CCSER1: variants seen among roughly 807,000 people sequenced by gnomAD.
CCSER1 encodes the protein serine-rich coiled-coil domain-containing protein 1.
A neutral mutation model predicts 82.0 loss-of-function variants in CCSER1; 41 were observed. The observed-to-expected ratio is 0.50, with a 90% CI of 0.39 to 0.65. The LOEUF (loss-of-function observed/expected upper bound fraction) is 0.65, where lower values mean the gene tolerates loss of function less well. Ranked by LOEUF, CCSER1 falls within the 30% of genes least tolerant of loss-of-function variation. The pLI is 0.00. For synonymous variants in CCSER1, 414 were observed against 383.9 expected (o/e 1.08, Z -0.92); for missense variants, 1,119 against 1,064.2 (o/e 1.05, Z -0.72).
intron 8 of CCSER1, among the ~76,000 whole-genome samples, chr4:90,856,614 AT>A (rs1388642633): frequency 2.0e-5 from 3 of 152,142 alleles, no homozygotes; most frequent in Admixed American, 2.0e-4. Flanking sequence ...GTATGGCATA[AT>A]AACAGAATTC....
At chr4:90,703,345 T>G (rs545474302) in intron 6 of CCSER1, among the ~76,000 whole-genome samples, 1 of 152,352 alleles carries the variant, frequency 6.6e-6, no homozygotes, top group Non-Finnish European at 1.5e-5. Flanking sequence ...AGACAGTTTG[T>G]TATAATTTCT....
intron 7 of CCSER1, among the ~76,000 whole-genome samples, chr4:90,729,709 A>G (rs1744350631): frequency 6.6e-6 from 1 of 152,034 alleles, no homozygotes; most frequent in African/African-American, 2.4e-5. Context: ...TCCCGTCTCT[A>G]CTAAAAATAC....
chr4:91,406,537 A>G (rs549876239), intron 10 of CCSER1, among the ~76,000 whole-genome samples: 1 of 152,328 alleles, frequency 6.6e-6, no homozygotes, highest in South Asian at 2.1e-4. Flanking sequence ...TTTGTAAATA[A>G]GCAGTTCCAC....
chr4:90,322,984 T>G (rs1258157614), intron 3 of CCSER1, among the ~76,000 whole-genome samples: 1 of 152,238 alleles, frequency 6.6e-6, no homozygotes, highest in East Asian at 1.9e-4. Flanking sequence ...TGGTGAATCC[T>G]GCCAGGTCTG....
intron 9 of CCSER1, chr4:90,938,913 G>T: frequency 6.2e-6 from 1 of 161,174 alleles, no homozygotes; most frequent in Non-Finnish European, 1.4e-5. Flanking sequence ...GATGAATTAA[G>T]ATTCAACTAA....
intron 9 of CCSER1, among the ~76,000 whole-genome samples, chr4:90,943,569 A>AAG (rs576982656): frequency 9.8e-4 from 148 of 151,564 alleles, no homozygotes; most frequent in African/African-American, 3.2e-3. Context: ...CGGAGACAGA[A>AAG]AGAGAGAGAG....
chr4:90,464,700 C>T (rs751847355), intron 4 of CCSER1, among the ~76,000 whole-genome samples: 3 of 152,204 alleles, frequency 2.0e-5, no homozygotes, highest in Non-Finnish European at 4.4e-5. Context: ...TGGAAATAAT[C>T]GGGAAAAATG....
chr4:90,688,411 T>G (rs1164197090), intron 6 of CCSER1, among the ~76,000 whole-genome samples: 1 of 152,150 alleles, frequency 6.6e-6, no homozygotes, highest in Admixed American at 6.6e-5. Flanking sequence ...AATTTAATAA[T>G]ATATACCACC....
intron 10 of CCSER1, among the ~76,000 whole-genome samples, chr4:91,312,601 C>T (rs910169454): frequency 5.9e-5 from 9 of 151,846 alleles, no homozygotes; most frequent in Non-Finnish European, 8.8e-5. Context: ...AGGCATAAAG[C>T]ACGCAATACA....
chr4:91,137,318 A>G (rs1442305146), intron 10 of CCSER1, among the ~76,000 whole-genome samples: 5 of 79,732 alleles, frequency 6.3e-5, no homozygotes, highest in African/African-American at 1.5e-4. Flanking sequence ...AATTTCATCC[A>G]TGTCCCTACA....
chr4:90,326,295 C>G (rs537161963), intron 3 of CCSER1, among the ~76,000 whole-genome samples: 4 of 151,976 alleles, frequency 2.6e-5, no homozygotes, highest in Non-Finnish European at 5.9e-5. Context: ...CTCCTGACCT[C>G]GTGATCCTCC....
At chr4:90,410,808 A>T (rs941478858) in intron 4 of CCSER1, among the ~76,000 whole-genome samples, 1 of 152,168 alleles carries the variant, frequency 6.6e-6, no homozygotes, top group African/African-American at 2.4e-5. Context: ...GACACAAAAA[A>T]CCCTTCAAAA....
At chr4:90,431,993 C>T (rs1045101864) in intron 4 of CCSER1, among the ~76,000 whole-genome samples, 2 of 152,054 alleles carry the variant, frequency 1.3e-5, no homozygotes, top group Admixed American at 6.6e-5. Flanking sequence ...CTCTGCTGCA[C>T]GGCAGTCCAC....
chr4:91,182,204 C>A (rs1471484514), intron 10 of CCSER1, among the ~76,000 whole-genome samples: 1 of 152,202 alleles, frequency 6.6e-6, no homozygotes, highest in Non-Finnish European at 1.5e-5. Context: ...TCTGGAATCT[C>A]TTCCTCAGCA....
At position 91,576,119 on chromosome 4, in the gene CCSER1, C is replaced by T. The variant is rs75888790; in HGVS notation, c.2218-22453C>T. Among the ~76,000 whole-genome samples, 20 of 151,950 alleles carry T rather than the reference C, an allele frequency of 1.3e-4. No homozygotes were observed. The East Asian group carries it at 3.7e-3, about 28-fold the overall frequency. Reference sequence around the variant, plus strand: ...AATAACCTAAATGTCCACTGATGGACGAATGGATACAGAAATGTGATCTAT... The same window carrying T: ...AATAACCTAAATGTCCACTGATGGATGAATGGATACAGAAATGTGATCTAT... On this transcript the variant is annotated intron_variant, in intron 10 of 10. Transcript: ENST00000509176.
intron 10 of CCSER1, among the ~76,000 whole-genome samples, chr4:91,569,115 G>C (rs1218662139): frequency 6.6e-6 from 1 of 152,160 alleles, no homozygotes; most frequent in Non-Finnish European, 1.5e-5. Context: ...ACATTAGTGA[G>C]GTATTTTTGG....
chr4:90,282,095 G>A (rs1156406932), intron 1 of CCSER1, among the ~76,000 whole-genome samples: 1 of 151,942 alleles, frequency 6.6e-6, no homozygotes, highest in Admixed American at 6.6e-5. Context: ...TGCAATTTTG[G>A]AGAACTAAGA....
intron 4 of CCSER1, among the ~76,000 whole-genome samples, chr4:90,467,214 G>A (rs964455990): frequency 2.6e-5 from 4 of 151,720 alleles, no homozygotes; most frequent in African/African-American, 4.8e-5. Context: ...GTGAAACCCC[G>A]TCTCTACTAA....
intron 6 of CCSER1, among the ~76,000 whole-genome samples, chr4:90,710,715 C>T (rs763609216): frequency 7.2e-5 from 11 of 152,222 alleles, no homozygotes; most frequent in Non-Finnish European, 1.5e-4. Flanking sequence ...CAGTACCATG[C>T]TGATTTGATT....
Sources: allele counts gnomAD v4.1 joint callset (sites outside exome capture counted in the v4.1 genomes callset), GRCh38; gene constraint gnomAD v4.1.1; transcripts MANE v1.5; gene names NCBI Gene and HGNC (gene_info 2026-07-23, HGNC 2026-07-21).